The following PLS1 variants were observed in gnomAD, a reference collection of about 807,000 sequenced individuals.
The protein encoded by PLS1 is plastin 1, also known as plastin-1.
In PLS1, 32 loss-of-function variants were observed where a neutral mutation model predicts 73.7. The observed-to-expected ratio is 0.43, with a 90% CI of 0.33 to 0.58. The LOEUF (loss-of-function observed/expected upper bound fraction) is 0.58, where lower values mean the gene tolerates loss of function less well. Among genes scored for constraint, PLS1 ranks in the 20% least tolerant of loss-of-function variants. PLS1 has a pLI of 0.04. For missense variants in PLS1, 633 were observed against 740.5 expected (o/e 0.85, Z 1.68); for synonymous variants, 217 against 261.3 (o/e 0.83, Z 1.63).
At chr3:142,705,526 TAAGCA>T (rs2038442206) in intron 14 of PLS1, among the ~76,000 whole-genome samples, 2 of 152,246 alleles carry the variant, frequency 1.3e-5, no homozygotes, top group Non-Finnish European at 2.9e-5. Flanking sequence ...TAGCTACAAA[TAAGCA>T]TGTCTGCTTG....
intron 1 of PLS1, among the ~76,000 whole-genome samples, chr3:142,640,385 ATG>A (rs2108610674): frequency 6.6e-6 from 1 of 152,340 alleles, no homozygotes; most frequent in Admixed American, 6.5e-5. Context: ...TTGAAAAAAG[ATG>A]TCTCTTATTT....
chr3:142,599,113 C>T lies in PLS1; in HGVS notation c.-37+2604C>T, dbSNP rs139830505. Reference sequence around the variant, plus strand: ...AGCTCTCTGAAGGATGACCTTTAACCCTTCACAATACCTGGCACATTGCTT... The same window carrying T: ...AGCTCTCTGAAGGATGACCTTTAACTCTTCACAATACCTGGCACATTGCTT... On this transcript the variant is annotated intron_variant, in intron 1 of 15. Coordinates refer to ENST00000457734, the MANE Select transcript of PLS1 (RefSeq NM_001145319.2). 5.5e-3 allele frequency among the ~76,000 whole-genome samples: 839 copies of T among 151,862 alleles called. 4 individuals are homozygous for T. Among genetic ancestry groups the T allele is most frequent in the Admixed American group, 0.011 (163 of 15,258 alleles).
At chr3:142,617,792 A>G (rs1348616289) in intron 1 of PLS1, among the ~76,000 whole-genome samples, 1 of 152,148 alleles carries the variant, frequency 6.6e-6, no homozygotes, top group Non-Finnish European at 1.5e-5. Context: ...AGCCGATTCA[A>G]TATGGTGAAA....
rs1289379127 is a variant in PLS1, at chr3:142,695,710, C to T, written c.1256+1163C>T. Among the ~76,000 whole-genome samples the T allele has an allele frequency of 3.9e-5, 6 of 152,092 alleles. No homozygotes were observed. In the East Asian group the frequency reaches 1.2e-3, roughly 29 times the overall value. On this transcript the variant is annotated intron_variant, in intron 11 of 15. Transcript: ENST00000457734. Reference sequence around the variant, plus strand: ...AAAGAAAATCTAGAGAGGTACATAGCAAACTCTATGTAGCCTGGGTAGTAG... The same window carrying T: ...AAAGAAAATCTAGAGAGGTACATAGTAAACTCTATGTAGCCTGGGTAGTAG...
intron 1 of PLS1, among the ~76,000 whole-genome samples, chr3:142,628,957 A>T (rs1213017498): frequency 2.0e-5 from 3 of 152,248 alleles, no homozygotes; most frequent in Admixed American, 1.3e-4. Flanking sequence ...AAATTCTCTT[A>T]TGGCAGGTCC....
chr3:142,685,320 A>G (rs1208343807), intron 8 of PLS1, among the ~76,000 whole-genome samples: 4 of 152,326 alleles, frequency 2.6e-5, no homozygotes, highest in South Asian at 4.1e-4. Flanking sequence ...AAGCTTGCCA[A>G]TTCTACTCAG....
chr3:142,634,555 G>A (rs941371019), intron 1 of PLS1, among the ~76,000 whole-genome samples: 1 of 152,118 alleles, frequency 6.6e-6, no homozygotes, highest in Non-Finnish European at 1.5e-5. Context: ...TTTTGCCCGC[G>A]ATGGTGTAGT....
At chr3:142,689,101 C>G (rs973286563) in intron 9 of PLS1, among the ~76,000 whole-genome samples, 23 of 152,062 alleles carry the variant, frequency 1.5e-4, no homozygotes, top group Non-Finnish European at 3.1e-4. Context: ...ACTCAGTTAT[C>G]CCAGCAAGGA....
chr3:142,700,594 T>C lies in PLS1; in HGVS notation c.1371+2527T>C, dbSNP rs548236785. On this transcript the variant is annotated intron_variant, in intron 12 of 15. Transcript: ENST00000457734. ...GCCTTGGCCTCCGAAAGTGCTGGGATTACAGGCGTGAGCCACTGTGCCCGG... is the reference window on the plus strand; with the variant it reads ...GCCTTGGCCTCCGAAAGTGCTGGGACTACAGGCGTGAGCCACTGTGCCCGG... Among the ~76,000 whole-genome samples the C allele has an allele frequency of 8.5e-5, 13 of 152,358 alleles. No individual in the cohort carries two copies. In the East Asian group the frequency reaches 2.5e-3, roughly 29 times the overall value.
intron 1 of PLS1, among the ~76,000 whole-genome samples, chr3:142,652,825 C>G (rs1425639333): frequency 2.0e-5 from 3 of 152,194 alleles, no homozygotes; most frequent in African/African-American, 7.2e-5. Flanking sequence ...TTTAACCATT[C>G]AGTAAGCAAG....
intron 1 of PLS1, among the ~76,000 whole-genome samples, chr3:142,608,254 A>G (rs2036059130): frequency 6.6e-6 from 1 of 152,240 alleles, no homozygotes; most frequent in Admixed American, 6.5e-5. Flanking sequence ...ACATTGGAAG[A>G]TGATCAAATT....
chr3:142,599,415 C>T (rs1466418420), intron 1 of PLS1, among the ~76,000 whole-genome samples: 8 of 150,104 alleles, frequency 5.3e-5, no homozygotes, highest in South Asian at 2.1e-4. Context: ...CTGCAAGCTC[C>T]GCTTCCCAGG....
At chr3:142,655,116 A>T (rs2037194050) in intron 1 of PLS1, among the ~76,000 whole-genome samples, 2 of 152,226 alleles carry the variant, frequency 1.3e-5, no homozygotes, top group African/African-American at 4.8e-5. Flanking sequence ...AGACCATTAC[A>T]ACACAACACA....
chr3:142,597,852 T>G (rs1327949386), intron 1 of PLS1, among the ~76,000 whole-genome samples: 2 of 152,236 alleles, frequency 1.3e-5, no homozygotes, highest in Non-Finnish European at 2.9e-5. Flanking sequence ...GAAGTCTGGC[T>G]TAAGCAGAAA....
chr3:142,684,843 A>G (rs117185143), intron 8 of PLS1, among the ~76,000 whole-genome samples: 2 of 152,338 alleles, frequency 1.3e-5, no homozygotes, highest in East Asian at 3.9e-4. Context: ...ATCTTAAGGT[A>G]TGTGCCTTAA....
intron 1 of PLS1, among the ~76,000 whole-genome samples, chr3:142,659,066 T>C (rs550459190): frequency 6.6e-6 from 1 of 152,328 alleles, no homozygotes; most frequent in African/African-American, 2.4e-5. Flanking sequence ...GTAGAGCAGA[T>C]AAATGCGTAG....
At chr3:142,665,999 G>A (rs2037472066) in intron 2 of PLS1, among the ~76,000 whole-genome samples, 1 of 151,954 alleles carries the variant, frequency 6.6e-6, no homozygotes, top group Non-Finnish European at 1.5e-5. Context: ...TTATTTAGGA[G>A]GTAAACTGCT....
At position 142,643,060 on chromosome 3, in the gene PLS1, G is replaced by A. The variant is rs2036874751; in HGVS notation, c.-36-21142G>A. On this transcript the variant is annotated intron_variant, in intron 1 of 15. Transcript: ENST00000457734. ...CCTCCCAAAAGAGTTGGATCTTTAGGTGGAAGTTGTATTTGTTAAGGGCAA... is the reference window on the plus strand; with the variant it reads ...CCTCCCAAAAGAGTTGGATCTTTAGATGGAAGTTGTATTTGTTAAGGGCAA... Among the ~76,000 whole-genome samples, 2 of 152,166 alleles carry A rather than the reference G, an allele frequency of 1.3e-5. 1 individual carries two copies. Among genetic ancestry groups the A allele is most frequent in the Admixed American group, 1.3e-4 (2 of 15,268 alleles).
At chr3:142,637,966 G>A (rs1020076547) in intron 1 of PLS1, among the ~76,000 whole-genome samples, 2 of 151,506 alleles carry the variant, frequency 1.3e-5, no homozygotes, top group Admixed American at 6.6e-5. Flanking sequence ...CACTGCTCTC[G>A]AAGAAGCTAG....
Sources: allele counts gnomAD v4.1 joint callset (sites outside exome capture counted in the v4.1 genomes callset), GRCh38; gene constraint gnomAD v4.1.1; transcripts MANE v1.5; gene names NCBI Gene and HGNC (gene_info 2026-07-23, HGNC 2026-07-21).